PDZRN3: variants seen among roughly 807,000 people sequenced by gnomAD.
PDZRN3 encodes the protein E3 ubiquitin-protein ligase PDZRN3.
A neutral mutation model predicts 85.7 loss-of-function variants in PDZRN3; 38 were observed. The ratio of observed to expected loss-of-function variants is 0.44; its 90% CI spans 0.34 to 0.58. The LOEUF (loss-of-function observed/expected upper bound fraction) is 0.58, where lower values mean the gene tolerates loss of function less well. PDZRN3 is among the 20% of genes least tolerant of loss of function. The pLI, the probability that PDZRN3 is intolerant of heterozygous loss-of-function variation, is 0.01. For missense variants in PDZRN3, 1,629 were observed against 1,506.4 expected, an observed-to-expected ratio of 1.08 and a Z score of -1.35; for synonymous variants, 759 against 638.0, an observed-to-expected ratio of 1.19 and a Z score of -2.86.
At chr3:73,466,206 T>G (rs932288267) in intron 3 of PDZRN3, among the ~76,000 whole-genome samples, 1 of 152,016 alleles carries the variant, frequency 6.6e-6, no homozygotes, top group Admixed American at 6.6e-5. Context: ...GAAAACACAG[T>G]GTTAACAAGA....
Position 73,384,712 on chromosome 3 carries a change from C to T in PDZRN3, c.1854G>A (p.Leu618=). The T allele has an allele frequency of 6.2e-7, 1 of 1,614,040 alleles. No homozygotes were observed. The highest frequency in any genetic ancestry group is 8.5e-7 in the Non-Finnish European group (1 of 1,180,034). ...AAATGAAAGACTCGTTGCTGAAGGG[C>T]AGGTCGCCGCTGCCCAAGGTGTCCT... is the stretch of plus-strand genomic sequence containing the variant. The part of the protein sequence containing the change: ...CSQDTLGSGD[L]PFSNESFISA... Residue 618 remains leucine, a synonymous_variant, in exon 10 of 10, where the codon CTG becomes CTA. Coordinates refer to ENST00000263666, the MANE Select transcript of PDZRN3 (RefSeq NM_015009.3).
Position 73,445,385 on chromosome 3 carries a change from T to A in PDZRN3, c.919-40990A>T, listed in dbSNP as rs117152626. Among the ~76,000 whole-genome samples the A allele has an allele frequency of 3.3e-5, 5 of 152,220 alleles. No individual in the cohort carries two copies. In the East Asian group the frequency reaches 9.6e-4, roughly 29 times the overall value. On this transcript the variant is annotated intron_variant, in intron 3 of 9. Transcript: ENST00000263666. ...ACTTAGGCACTAAAGGGAAGCTAGT[T>A]TAATATTTTAAAGTCACCCAGAAGA...
At chr3:73,587,294 C>T (rs1248168498) in intron 3 of PDZRN3, among the ~76,000 whole-genome samples, 3 of 152,188 alleles carry the variant, frequency 2.0e-5, no homozygotes, top group Non-Finnish European at 2.9e-5. Flanking sequence ...TTTATACATA[C>T]ATCCCAGGCT....
intron 3 of PDZRN3, among the ~76,000 whole-genome samples, chr3:73,415,540 C>A (rs1310576017): frequency 1.3e-5 from 2 of 152,152 alleles, no homozygotes; most frequent in African/African-American, 2.4e-5. Context: ...TGATCTTTCA[C>A]TTTTACAGTG....
intron 3 of PDZRN3, among the ~76,000 whole-genome samples, chr3:73,598,533 G>A (rs1200354139): frequency 1.3e-5 from 2 of 152,130 alleles, no homozygotes; most frequent in East Asian, 3.9e-4. Flanking sequence ...CTGAATCCTA[G>A]TACCAAATGT....
chr3:73,610,547 C>T (rs556794159), intron 1 of PDZRN3, among the ~76,000 whole-genome samples: 109 of 152,260 alleles, frequency 7.2e-4, no homozygotes, highest in Admixed American at 3.7e-3. Flanking sequence ...CTACTTAGGA[C>T]GCTGAAAATC....
chr3:73,580,715 C>T (rs1332883028), intron 3 of PDZRN3, among the ~76,000 whole-genome samples: 7 of 152,218 alleles, frequency 4.6e-5, no homozygotes, highest in African/African-American at 9.6e-5. Context: ...TTCTTGACAT[C>T]CAGCCTAAGA....
At chr3:73,425,469 G>C (rs1247229076) in intron 3 of PDZRN3, among the ~76,000 whole-genome samples, 2 of 152,086 alleles carry the variant, frequency 1.3e-5, no homozygotes, top group Non-Finnish European at 2.9e-5. Context: ...GCCAGTTCAA[G>C]TTTGAGAACC....
At chr3:73,508,412 A>C (rs1704106296) in intron 3 of PDZRN3, among the ~76,000 whole-genome samples, 1 of 152,232 alleles carries the variant, frequency 6.6e-6, no homozygotes, top group Admixed American at 6.5e-5. Context: ...GTGAAAGAAG[A>C]AAAGTCAACC....
intron 3 of PDZRN3, among the ~76,000 whole-genome samples, chr3:73,416,865 GTTTTTTTTTGGTTTT>G (rs1559667612): frequency 1.2e-5 from 1 of 83,014 alleles, no homozygotes; most frequent in African/African-American, 4.3e-5. Flanking sequence ...TTTTTTGTTT[GTTTTTTTTTGGTTTT>G]TTTTTTTTTT....
intron 3 of PDZRN3, among the ~76,000 whole-genome samples, chr3:73,566,130 T>C (rs1406179753): frequency 6.6e-6 from 1 of 152,232 alleles, no homozygotes; most frequent in East Asian, 1.9e-4. Flanking sequence ...TTTTAAATTA[T>C]ATTTTAAATT....
intron 3 of PDZRN3, among the ~76,000 whole-genome samples, chr3:73,413,005 T>C: frequency 6.6e-6 from 1 of 152,198 alleles, no homozygotes; most frequent in East Asian, 1.9e-4. Flanking sequence ...TGTGCCTCAG[T>C]GCCCTCGATA....
intron 3 of PDZRN3, among the ~76,000 whole-genome samples, chr3:73,434,729 T>G (rs762774749): frequency 6.6e-6 from 1 of 152,200 alleles, no homozygotes; most frequent in Non-Finnish European, 1.5e-5. Context: ...TGATGTTCCA[T>G]ACCTGCCTAG....
intron 3 of PDZRN3, among the ~76,000 whole-genome samples, chr3:73,497,814 C>CG (rs1390625394): frequency 2.6e-5 from 4 of 151,578 alleles, no homozygotes; most frequent in Admixed American, 2.6e-4. Flanking sequence ...CGTCCCCGCC[C>CG]CCGCCAACAG....
intron 3 of PDZRN3, among the ~76,000 whole-genome samples, chr3:73,528,852 G>C (rs1253108217): frequency 1.3e-5 from 2 of 151,394 alleles, no homozygotes; most frequent in African/African-American, 4.9e-5. Flanking sequence ...AAGGTAAAGT[G>C]GACACATTTA....
chr3:73,615,954 C>A (rs1015199184), intron 1 of PDZRN3, among the ~76,000 whole-genome samples: 1 of 152,124 alleles, frequency 6.6e-6, no homozygotes. Context: ...GAGGTGGGGT[C>A]TAATGGGAGG....
chr3:73,571,826 G>T (rs1301244443), intron 3 of PDZRN3, among the ~76,000 whole-genome samples: 1 of 152,066 alleles, frequency 6.6e-6, no homozygotes, highest in African/African-American at 2.4e-5. Context: ...AAGCTGGTGT[G>T]GTCACAAATG....
At chr3:73,520,238 T>C (rs753575523) in intron 3 of PDZRN3, among the ~76,000 whole-genome samples, 2 of 152,088 alleles carry the variant, frequency 1.3e-5, no homozygotes, top group Non-Finnish European at 2.9e-5. Context: ...GTGTGGTGGC[T>C]CACACCTGTA....
At chr3:73,560,484 C>T (rs1701793621) in intron 3 of PDZRN3, among the ~76,000 whole-genome samples, 1 of 152,172 alleles carries the variant, frequency 6.6e-6, no homozygotes, top group African/African-American at 2.4e-5. Context: ...AGAAAATATG[C>T]ACCACTGTAT....
Sources: gnomAD v4.1 joint callset for allele counts (sites outside exome capture counted in the v4.1 genomes callset) on GRCh38, gnomAD v4.1.1 for gene constraint, MANE v1.5 for transcripts, NCBI Gene and HGNC (gene_info 2026-07-23, HGNC 2026-07-21) for gene names.